PCDH11X: variants seen among roughly 807,000 people sequenced by gnomAD.
PCDH11X encodes the protein protocadherin 11 X-linked.
A neutral mutation model predicts 53.3 loss-of-function variants in PCDH11X; 18 were observed. The ratio of observed to expected loss-of-function variants is 0.34; its 90% CI spans 0.23 to 0.50. PCDH11X has a LOEUF of 0.50. Ranked by LOEUF, PCDH11X falls within the 20% of genes least tolerant of loss-of-function variation. PCDH11X has a pLI of 0.98. For missense variants in PCDH11X, 570 were observed against 1,032.4 expected, an observed-to-expected ratio of 0.55 and a Z score of 6.14; for synonymous variants, 279 against 393.3, an observed-to-expected ratio of 0.71 and a Z score of 3.44.
intron 6 of PCDH11X, among the ~76,000 whole-genome samples, chrX:92,133,976 A>G (rs1357159973): frequency 8.9e-6 from 1 of 111,853 alleles, no homozygotes; most frequent in Non-Finnish European, 1.9e-5. Context: ...TGTAAGATAT[A>G]CATTGGATCA....
At chrX:92,109,011 G>A (rs1324470511) in intron 6 of PCDH11X, among the ~76,000 whole-genome samples, 1 of 111,728 alleles carries the variant, frequency 9.0e-6, no homozygotes, top group Non-Finnish European at 1.9e-5. Context: ...AGAGCCGGCT[G>A]TGTGGGAGAC....
chrX:91,898,118 A>T (rs1940817897), intron 6 of PCDH11X, among the ~76,000 whole-genome samples: 1 of 111,299 alleles, frequency 9.0e-6, no homozygotes, highest in African/African-American at 3.3e-5. Context: ...AGTATAAAAA[A>T]ATGTACATAG....
At chrX:92,494,910 C>A (rs1182119218) in intron 10 of PCDH11X, among the ~76,000 whole-genome samples, 1 of 92,500 alleles carries the variant, frequency 1.1e-5, no homozygotes, top group Non-Finnish European at 2.1e-5. Flanking sequence ...AGTATCACTA[C>A]ATTGGGATTG....
At position 92,412,528 on chromosome X, in the gene PCDH11X, T is replaced by TAG. The variant is rs1569482923; in HGVS notation, c.3343+24596_3343+24597insGA. Among the ~76,000 whole-genome samples the TAG allele has an allele frequency of 5.6e-4, 50 of 89,577 alleles. 1 individual carries two copies. Among genetic ancestry groups the TAG allele is most frequent in the Non-Finnish European group, 1.0e-3 (48 of 46,960 alleles). The allele number at this position is 89,577 out of a possible 115,157, so 77.8% of individuals were successfully genotyped here. On this transcript the variant is annotated intron_variant, in intron 9 of 10. Transcript: ENST00000682573. ...AAAATAGTATATATATATATATATA[T>TAG]ATATATATATATATATATATATATA...
chrX:92,480,105 G>A (rs1028523912), intron 10 of PCDH11X, among the ~76,000 whole-genome samples: 2 of 111,009 alleles, frequency 1.8e-5, no homozygotes, highest in African/African-American at 6.6e-5. Context: ...CTGACCTTCA[G>A]ACTCTGAGAT....
At chrX:92,117,652 A>C (rs1380078545) in intron 6 of PCDH11X, among the ~76,000 whole-genome samples, 1 of 111,658 alleles carries the variant, frequency 9.0e-6, no homozygotes, top group Non-Finnish European at 1.9e-5. Context: ...ATAGCAGTAG[A>C]AATTCTTCCA....
intron 10 of PCDH11X, among the ~76,000 whole-genome samples, chrX:92,553,191 C>T (rs1350986314): frequency 2.1e-5 from 2 of 94,518 alleles, no homozygotes; most frequent in South Asian, 5.5e-4. Context: ...GCATTGAAGT[C>T]GTCGGGTCTC....
At chrX:92,521,610 A>C (rs1227153564) in intron 10 of PCDH11X, among the ~76,000 whole-genome samples, 2 of 112,037 alleles carry the variant, frequency 1.8e-5, no homozygotes, top group South Asian at 7.4e-4. Context: ...TTAGCTACTA[A>C]CAAGGGACTC....
Position 92,084,798 on chromosome X carries a change from T to G in PCDH11X, c.3034-116577T>G, listed in dbSNP as rs188990298. Among the ~76,000 whole-genome samples the G allele has an allele frequency of 6.9e-4, 77 of 110,801 alleles. 1 individual carries two copies. The highest frequency in any genetic ancestry group is 3.0e-4 in the Non-Finnish European group (16 of 53,063). ...CTTAGACAGCTTTTTAAAGAGTGAT[T>G]ATTATACAATGCTACATCACTGGAT... On this transcript the variant is annotated intron_variant, in intron 6 of 10. Coordinates refer to ENST00000682573, the MANE Select transcript of PCDH11X (RefSeq NM_032968.5).
chrX:91,837,262 A>T (rs1291627792), intron 5 of PCDH11X, among the ~76,000 whole-genome samples: 1 of 111,686 alleles, frequency 9.0e-6, no homozygotes, highest in Non-Finnish European at 1.9e-5. Flanking sequence ...TGAAATGCAG[A>T]TATGTTTGAG....
rs747126451 is a variant in PCDH11X at position 92,353,824 on chromosome X, A to T, written c.3145-33911A>T. On this transcript the variant is annotated intron_variant, in intron 8 of 10. Coordinates refer to ENST00000682573, the MANE Select transcript of PCDH11X (RefSeq NM_032968.5). ...GTGTAAAAATAATTATATTATCTTTACATTTGAATGGACTACACTGGCCTT... is the reference window on the plus strand; with the variant it reads ...GTGTAAAAATAATTATATTATCTTTTCATTTGAATGGACTACACTGGCCTT... Among the ~76,000 whole-genome samples, 98 of 110,761 alleles carry T rather than the reference A, an allele frequency of 8.8e-4. 1 individual carries two copies. Among genetic ancestry groups the T allele is most frequent in the African/African-American group, 3.1e-3 (96 of 30,491 alleles).
At chrX:92,493,156 G>A (rs1032601661) in intron 10 of PCDH11X, among the ~76,000 whole-genome samples, 1 of 110,834 alleles carries the variant, frequency 9.0e-6, no homozygotes, top group Non-Finnish European at 1.9e-5. Context: ...ATACTAAAAG[G>A]TCATAAATAC....
In PCDH11X at chrX:92,233,915, GT is replaced by G. The variant is rs762297218; in HGVS notation, c.3115-29196del. Among the ~76,000 whole-genome samples, 3 of 111,956 alleles carry G rather than the reference GT, an allele frequency of 2.7e-5. No homozygotes were observed. The South Asian group carries it at 1.1e-3, about 41-fold the overall frequency. On this transcript the variant is annotated intron_variant, in intron 7 of 10. Coordinates refer to ENST00000682573, the MANE Select transcript of PCDH11X (RefSeq NM_032968.5). Reference sequence around the variant, plus strand: ...TCTACCAAATGAAAGGAAACTTCAAGTTTATGACTATATGAAGAAACAGTGA... The same window carrying G: ...TCTACCAAATGAAAGGAAACTTCAAGTTATGACTATATGAAGAAACAGTGA...
intron 6 of PCDH11X, among the ~76,000 whole-genome samples, chrX:91,960,414 A>T (rs1308277685): frequency 1.8e-5 from 2 of 109,885 alleles, no homozygotes; most frequent in African/African-American, 6.6e-5. Flanking sequence ...GTGTTTTTTC[A>T]CTTTGTTTGT....
chrX:92,324,133 T>G (rs2069274549), intron 8 of PCDH11X, among the ~76,000 whole-genome samples: 1 of 105,106 alleles, frequency 9.5e-6, no homozygotes, highest in South Asian at 4.5e-4. Flanking sequence ...GTGGAGGCAT[T>G]ACAAAAATCC....
At chrX:92,031,006 G>A (rs994539769) in intron 6 of PCDH11X, among the ~76,000 whole-genome samples, 2 of 110,344 alleles carry the variant, frequency 1.8e-5, no homozygotes, top group African/African-American at 6.6e-5. Context: ...ATATGCAGCA[G>A]TGGGATGGCG....
chrX:91,828,601 G>C (rs1299642942), intron 4 of PCDH11X, among the ~76,000 whole-genome samples: 1 of 111,530 alleles, frequency 9.0e-6, no homozygotes, highest in Non-Finnish European at 1.9e-5. Flanking sequence ...AGAACTAAAA[G>C]GAGAAGGAAT....
At chrX:92,296,118 T>C (rs967014975) in intron 8 of PCDH11X, among the ~76,000 whole-genome samples, 4 of 110,646 alleles carry the variant, frequency 3.6e-5, no homozygotes, top group Non-Finnish European at 7.6e-5. Context: ...TTGTTTCTTA[T>C]TTTATTGATT....
At chrX:92,266,823 C>A (rs1402569305) in intron 8 of PCDH11X, among the ~76,000 whole-genome samples, 2 of 109,453 alleles carry the variant, frequency 1.8e-5, no homozygotes, top group Admixed American at 9.8e-5. Flanking sequence ...CGGCTCACTG[C>A]AACCTCTACC....
Sources: allele counts gnomAD v4.1 joint callset (sites outside exome capture counted in the v4.1 genomes callset), GRCh38; gene constraint gnomAD v4.1.1; transcripts MANE v1.5; gene names NCBI Gene and HGNC (gene_info 2026-07-23, HGNC 2026-07-21).